The following STK35 variants were observed in gnomAD, a reference collection of about 807,000 sequenced individuals.
STK35 encodes the protein serine/threonine kinase 35.
STK35 carries 17 observed loss-of-function variants against 37.3 expected under a neutral mutation model. The ratio of observed to expected loss-of-function variants is 0.46; its 90% CI spans 0.31 to 0.68. The LOEUF is 0.68. Among genes scored for constraint, STK35 ranks in the 30% least tolerant of loss-of-function variants. The pLI, the probability that STK35 is intolerant of heterozygous loss-of-function variation, is 0.05. For synonymous variants in STK35, 385 were observed against 319.1 expected (o/e 1.21, Z -2.20); for missense variants, 595 against 746.7 (o/e 0.80, Z 2.37).
intron 3 of STK35, among the ~76,000 whole-genome samples, chr20:2,142,839 A>G (rs769691688): frequency 3.9e-5 from 6 of 152,202 alleles, no homozygotes; most frequent in Non-Finnish European, 7.3e-5. Flanking sequence ...GGACAGCGCT[A>G]TACTTAGCAC....
At chr20:2,113,493 G>A (rs889301076) in intron 2 of STK35, among the ~76,000 whole-genome samples, 6 of 152,332 alleles carry the variant, frequency 3.9e-5, no homozygotes, top group Admixed American at 6.5e-5. Flanking sequence ...GGGGGCAGCA[G>A]GCCTAGGGAG....
chr20:2,126,516 A>AAAG (rs1985909499), intron 3 of STK35, among the ~76,000 whole-genome samples: 1 of 152,282 alleles, frequency 6.6e-6, no homozygotes, highest in South Asian at 2.1e-4. Flanking sequence ...AGGAAAGGGT[A>AAAG]CTACTGTTCA....
intron 2 of STK35, among the ~76,000 whole-genome samples, chr20:2,104,955 A>G (rs1985485809): frequency 6.6e-6 from 1 of 151,898 alleles, no homozygotes; most frequent in Non-Finnish European, 1.5e-5. Flanking sequence ...GAGTTTGGGA[A>G]CAGCCTGGGC....
At chr20:2,109,992 G>A (rs974775120) in intron 2 of STK35, among the ~76,000 whole-genome samples, 12 of 152,236 alleles carry the variant, frequency 7.9e-5, no homozygotes, top group Admixed American at 3.3e-4. Flanking sequence ...GAACAAGTCT[G>A]TTAATCTTAG....
At chr20:2,116,503 C>T (rs984068776) in intron 2 of STK35, among the ~76,000 whole-genome samples, 163 bp from the exon 3 acceptor site, 3 of 152,202 alleles carry the variant, frequency 2.0e-5, no homozygotes, top group African/African-American at 7.2e-5. Flanking sequence ...GTCCCTGGTG[C>T]CTGTGTCATA....
At chr20:2,104,620 G>C (rs1985479231) in intron 2 of STK35, among the ~76,000 whole-genome samples, 1 of 152,074 alleles carries the variant, frequency 6.6e-6, no homozygotes, top group Admixed American at 6.5e-5. Context: ...GATTTGGGGT[G>C]AGTTTGGAGG....
chr20:2,102,074 G>C lies in STK35; in HGVS notation c.193G>C (p.Ala65Pro). Reference sequence around the variant, plus strand: ...CCGGGCTCGGGCCGCCACCTCCCGCGCTGCTCGGTCCCGGAGGCAGCCCGG... The same window carrying C: ...CCGGGCTCGGGCCGCCACCTCCCGCCCTGCTCGGTCCCGGAGGCAGCCCGG... ...TRRARAATSR[A>P]ARSRRQPGPG... The change falls in exon 1 of 4, where the codon GCT becomes CCT. Residue 65 changes from alanine to proline, a missense_variant. Physicochemically the swap from Ala to Pro is conservative, Grantham distance 27. This residue lies in a region of STK35 where 389 missense variants were observed against 320.0 expected (regional missense o/e 1.22). Coordinates refer to ENST00000381482, the MANE Select transcript of STK35 (RefSeq NM_080836.4). 6.6e-7 allele frequency: 1 copy of C among 1,521,398 alleles called. No homozygotes were observed. The highest frequency in any genetic ancestry group is 1.2e-5 in the South Asian group (1 of 82,874). The allele number at this position is 1,521,398 out of a possible 1,614,324, so 94.2% of individuals were successfully genotyped here. A position where few individuals can be genotyped will look rare whatever the true frequency, so the allele number is the denominator to read the frequency against.
At chr20:2,131,337 G>C (rs1478434959) in intron 3 of STK35, among the ~76,000 whole-genome samples, 1 of 152,198 alleles carries the variant, frequency 6.6e-6, no homozygotes, top group Non-Finnish European at 1.5e-5. Flanking sequence ...AAAATGGCTG[G>C]GCTTGCTGGC....
intron 3 of STK35, among the ~76,000 whole-genome samples, chr20:2,133,350 C>A (rs1986031269): frequency 6.6e-6 from 1 of 152,224 alleles, no homozygotes; most frequent in Non-Finnish European, 1.5e-5. Context: ...GCAGCCACAA[C>A]TGAACCTGTC....
intron 3 of STK35, among the ~76,000 whole-genome samples, chr20:2,123,264 A>G (rs1453454870): frequency 6.6e-6 from 1 of 152,200 alleles, no homozygotes; most frequent in Non-Finnish European, 1.5e-5. Flanking sequence ...AAGTATTTCT[A>G]GTTCTATATG....
rs1259465198 is a variant in STK35 at position 2,145,282 on chromosome 20, A to G, written c.*1536A>G. 1 of 152,226 alleles carries G rather than the reference A, an allele frequency of 6.6e-6. No homozygotes were observed. Among genetic ancestry groups the G allele is most frequent in the Admixed American group, 6.5e-5 (1 of 15,278 alleles). 9.4% of individuals were successfully genotyped at this position (152,226 alleles called of 1,614,324 possible). On this transcript the variant is annotated 3_prime_UTR_variant, in exon 4 of 4. Coordinates refer to ENST00000381482, the MANE Select transcript of STK35 (RefSeq NM_080836.4). The stretch of plus-strand genomic sequence containing the variant: ...CACTCCGAAGGCTTTTCACCCCATT[A>G]TGGCCAAATAGTATAGGGCCACTGG...
chr20:2,111,366 G>A (rs1348891388), intron 2 of STK35, among the ~76,000 whole-genome samples: 1 of 152,166 alleles, frequency 6.6e-6, no homozygotes, highest in Non-Finnish European at 1.5e-5. Context: ...CCTTAAAATT[G>A]GTGACTTGTA....
In STK35 at chr20:2,131,251, T is replaced by C. The variant is rs147900541; in HGVS notation, c.*38-12533T>C. On this transcript the variant is annotated intron_variant, in intron 3 of 3. Transcript: ENST00000381482. ...TACTGAATACTACTATAGGCAGTTGTAACACAATGGTGTTTGTGTGTCTAA... is the reference window on the plus strand; with the variant it reads ...TACTGAATACTACTATAGGCAGTTGCAACACAATGGTGTTTGTGTGTCTAA... Among the ~76,000 whole-genome samples the C allele has an allele frequency of 8.2e-3, 1,256 of 152,308 alleles. 14 individuals are homozygous for C. The highest frequency in any genetic ancestry group is 0.029 in the African/African-American group (1,195 of 41,568).
rs568311121 is a variant in STK35 at position 2,112,785 on chromosome 20, C to T, written c.893-3881C>T. Reference sequence around the variant, plus strand: ...CTCCAAATAACCTGCCTGTTTTCTCCCTCTCTGGGAAGGAAGCTAAATTTG... The same window carrying T: ...CTCCAAATAACCTGCCTGTTTTCTCTCTCTCTGGGAAGGAAGCTAAATTTG... On this transcript the variant is annotated intron_variant, in intron 2 of 3. Coordinates refer to ENST00000381482, the MANE Select transcript of STK35 (RefSeq NM_080836.4). Among the ~76,000 whole-genome samples, 116 of 152,268 alleles carry T rather than the reference C, an allele frequency of 7.6e-4. 1 individual carries two copies. Among genetic ancestry groups the T allele is most frequent in the African/African-American group, 2.7e-3 (114 of 41,548 alleles).
intron 1 of STK35, 83 bp downstream of exon 1, chr20:2,102,258 GGTCCTCGGCCA>G: frequency 7.3e-7 from 1 of 1,377,032 alleles, no homozygotes; most frequent in Non-Finnish European, 9.4e-7. Context: ...AGGGAAATCG[GGTCCTCGGCCA>G]GTCGCACTCC....
chr20:2,116,470 C>G (rs1985718734), intron 2 of STK35, among the ~76,000 whole-genome samples, 196 bp from the exon 3 acceptor site: 1 of 152,162 alleles, frequency 6.6e-6, no homozygotes, highest in African/African-American at 2.4e-5. Flanking sequence ...GGGCCTCATT[C>G]CAAACCCAGG....
chr20:2,103,318 A>G lies in STK35; in HGVS notation c.845A>G (p.Asn282Ser), dbSNP rs764778239. The G allele has an allele frequency of 1.2e-6, 2 of 1,612,880 alleles. No individual in the cohort carries two copies. Residue 282 changes from asparagine to serine, a missense_variant, in exon 2 of 4, where the codon AAC (asparagine) becomes AGC (serine). Coordinates refer to ENST00000381482, the MANE Select transcript of STK35 (RefSeq NM_080836.4). ...NGLAQRMSHGNKSSQLYLRLV... is the reference protein window; with the variant it reads ...NGLAQRMSHGSKSSQLYLRLV... The stretch of plus-strand genomic sequence containing the variant: ...TTAGCCCAGCGCATGAGTCACGGCA[A>G]CAAGAGCTCGCAGCTTTACCTGCGC...
chr20:2,119,143 A>G (rs117920132), intron 3 of STK35, among the ~76,000 whole-genome samples: 78 of 152,326 alleles, frequency 5.1e-4, no homozygotes, highest in Non-Finnish European at 6.9e-4. Flanking sequence ...AGTATTTTCA[A>G]TGAAGGTATT....
intron 3 of STK35, among the ~76,000 whole-genome samples, chr20:2,121,989 T>C (rs1023336274): frequency 2.6e-5 from 4 of 152,210 alleles, no homozygotes; most frequent in African/African-American, 9.7e-5. Flanking sequence ...ATTTACGGAC[T>C]CCAAAGAGCT....
Sources: allele counts gnomAD v4.1 joint callset (sites outside exome capture counted in the v4.1 genomes callset), GRCh38; gene constraint gnomAD v4.1.1; regional missense constraint gnomAD v4.1.1; transcripts MANE v1.5; gene names NCBI Gene and HGNC (gene_info 2026-07-23, HGNC 2026-07-21).